The following RELA variants were observed in gnomAD, a reference collection of about 807,000 sequenced individuals.
RELA encodes the protein transcription factor p65.
A neutral mutation model predicts 56.7 loss-of-function variants in RELA; 14 were observed. The ratio of observed to expected loss-of-function variants is 0.25; its 90% CI spans 0.16 to 0.39. The LOEUF is 0.39. Ranked by LOEUF, RELA falls within the 10% of genes least tolerant of loss-of-function variation. RELA has a pLI of 1.00. For synonymous variants in RELA, 315 were observed against 289.7 expected (o/e 1.09, Z -0.89); for missense variants, 559 against 736.4 (o/e 0.76, Z 2.79).
chr11:65,658,562 C>T lies in RELA; in HGVS notation c.665-63G>A. ...TAACCCTCCATGGTCTCCCCCTCAACTTCTGATGCTTGTCTTCTGATACAT... is the reference window on the plus strand; with the variant it reads ...TAACCCTCCATGGTCTCCCCCTCAATTTCTGATGCTTGTCTTCTGATACAT... On this transcript the variant is annotated intron_variant, in intron 7 of 10. Coordinates refer to ENST00000406246, the MANE Select transcript of RELA (RefSeq NM_021975.4). The surrounding 1 kb of genome is among the most constrained non-coding windows in gnomAD (Gnocchi z 4.5). The T allele has an allele frequency of 2.8e-6, 4 of 1,451,862 alleles. No homozygotes were observed. In the South Asian group the frequency reaches 3.7e-5, roughly 13 times the overall value. 89.9% of individuals were successfully genotyped at this position (1,451,862 alleles called of 1,614,324 possible). A position where few individuals can be genotyped will look rare whatever the true frequency, so the allele number is the denominator to read the frequency against.
chr11:65,655,610 AG>A (rs1856402376), intron 10 of RELA, 77 bp downstream of exon 10: 7 of 1,398,142 alleles, frequency 5.0e-6, no homozygotes, highest in Non-Finnish European at 7.0e-6. Context: ...AATGGGGCCC[AG>A]GAGTCTTCAT....
At position 65,658,359 on chromosome 11, in the gene RELA, A is replaced by C; in HGVS notation, c.805T>G (p.Ser269Ala). The C allele has an allele frequency of 6.2e-7, 1 of 1,613,670 alleles. No homozygotes were observed. Among genetic ancestry groups the C allele is most frequent in the Non-Finnish European group, 8.5e-7 (1 of 1,179,874 alleles). ...TCGGAAGGCCGCCGCAGCTGCATGG[A>C]GACACGCACAGGAGCCTGCAGGCTG... ...DPSLQAPVRV[S>A]MQLRRPSDRE... The change falls in exon 8 of 11, where the codon TCC becomes GCC. Residue 269 changes from serine to alanine, a missense_variant. Physicochemically the swap from Ser to Ala is moderately conservative, Grantham distance 99 (BLOSUM62 1). Around this residue, in one of 4 missense-constraint regions of RELA, gnomAD observed 365 missense variants for 387.5 expected, o/e 0.94. Transcript: ENST00000406246. This position sits in a 1 kb window ranked among gnomAD's most constrained non-coding sequence, Gnocchi z 4.5.
At position 65,655,684 on chromosome 11, in the gene RELA, T is replaced by C. The variant is rs2135552474; in HGVS notation, c.1033+4A>G. 1 of 1,613,942 alleles carries C rather than the reference T, an allele frequency of 6.2e-7. No individual in the cohort carries two copies. Among genetic ancestry groups the C allele is most frequent in the South Asian group, 1.1e-5 (1 of 91,072 alleles). ...GTTCCAGTGGGACAAAAGGAAATCC[T>C]TACCTGGCTTGGGGACAGAAGCTGA... On this transcript the variant is annotated splice_donor_region_variant and intron_variant, in intron 10 of 10. Transcript: ENST00000406246.
chr11:65,660,147 T>C lies in RELA; in HGVS notation c.404A>G (p.Gln135Arg). Residue 135 changes from glutamine to arginine, a missense_variant, in exon 5 of 11, where the codon CAG becomes CGG. Gln to Arg is a conservative substitution (Grantham distance 43). Around this residue, in one of 4 missense-constraint regions of RELA, gnomAD observed 149 missense variants for 256.0 expected, o/e 0.58. Transcript: ENST00000406246. ...DLEQAISQRI[Q>R]TNNNPFQVPI... ...ACCTTGGAAGGGGTTGTTGTTGGTC[T>C]GGATGCGCTGACTGATAGCCTGCTC... The C allele has an allele frequency of 6.2e-7, 1 of 1,614,172 alleles. No individual in the cohort carries two copies. Among genetic ancestry groups the C allele is most frequent in the Non-Finnish European group, 8.5e-7 (1 of 1,180,018 alleles).
In RELA at chr11:65,654,555, C is replaced by G; in HGVS notation, c.1479G>C (p.Leu493=). ...GAGTTATAGCCTCAGGGTACTCCAT[C>G]AGCATGGGCTCAGTTGTGTGGGGGG... is the stretch of plus-strand genomic sequence containing the variant. ...PVAPHTTEPM[L]MEYPEAITRL... Residue 493 remains leucine (L), a synonymous_variant, in exon 11 of 11, where the codon CTG becomes CTC. Transcript: ENST00000406246. 1 of 1,613,546 alleles carries G rather than the reference C, an allele frequency of 6.2e-7. No homozygotes were observed. Among genetic ancestry groups the G allele is most frequent in the East Asian group, 2.2e-5 (1 of 44,888 alleles).
Position 65,653,868 on chromosome 11 carries a change from C to A in RELA, c.*510G>T. ...GAGCAAGGAAAGAGCCGGCAGAGAC[C>A]TCTGTAGGGCAGGAAGGCCAGCCCC... On this transcript the variant is annotated 3_prime_UTR_variant, in exon 11 of 11. Coordinates refer to ENST00000406246, the MANE Select transcript of RELA (RefSeq NM_021975.4). The A allele has an allele frequency of 5.1e-6, 1 of 197,380 alleles. No individual in the cohort carries two copies. Among genetic ancestry groups the A allele is most frequent in the South Asian group, 6.7e-5 (1 of 14,844 alleles). The allele number at this position is 197,380 out of a possible 1,614,324, so 12.2% of individuals were successfully genotyped here. A position where few individuals can be genotyped will look rare whatever the true frequency, so the allele number is the denominator to read the frequency against.
At chr11:65,663,599 G>A (rs1266477653), upstream of RELA, among the ~76,000 whole-genome samples, 2 of 152,224 alleles carry the variant, frequency 1.3e-5, no homozygotes, top group African/African-American at 2.4e-5. Context: ...CAAACTGCCG[G>A]CTCTCATCGG....
At chr11:65,663,832 G>A (rs1409862885), upstream of RELA, among the ~76,000 whole-genome samples, 2 of 151,224 alleles carry the variant, frequency 1.3e-5, no homozygotes, top group African/African-American at 2.4e-5. Context: ...CCAAGACCAA[G>A]CCCAAGGCGC....
intron 5 of RELA, 111 bp downstream of exon 5, chr11:65,660,013 G>T: frequency 8.1e-7 from 1 of 1,227,446 alleles, no homozygotes; most frequent in Non-Finnish European, 1.2e-6. Flanking sequence ...AGTACTGAAT[G>T]GGCACCAAGA....
rs1429492297 is a variant in RELA at position 65,654,297 on chromosome 11, C to T, written c.*81G>A. 6.3e-7 allele frequency: 1 copy of T among 1,581,260 alleles called. No homozygotes were observed. The highest frequency in any genetic ancestry group is 8.7e-7 in the Non-Finnish European group (1 of 1,153,682). On this transcript the variant is annotated 3_prime_UTR_variant, in exon 11 of 11. Transcript: ENST00000406246. ...CAAAGTTGGGGGCAGTTGGAACACA[C>T]CCCACCAGAATCCGTAAGTGCTTTT...
At chr11:65,655,148 A>T in intron 10 of RELA, 148 bp from the exon 11 acceptor site, 1 of 681,768 alleles carries the variant, frequency 1.5e-6, no homozygotes, top group Non-Finnish European at 2.6e-6. Flanking sequence ...CTCTTACCCC[A>T]TCTGACCCAG....
rs368638080 is a variant in RELA at position 65,655,909 on chromosome 11, G to A, written c.904C>T (p.Arg302Cys). The part of the protein sequence containing the change: ...TDDRHRIEEK[R>C]KRTYETFKSI... The stretch of plus-strand genomic sequence containing the variant: ...TTGAAGGTCTCATATGTCCTTTTAC[G>A]TTTCTCCTCAATCCGGTGACGATCG... Residue 302 changes from arginine (R) to cysteine (C), a missense_variant, in exon 9 of 11, where the codon CGT (arginine) becomes TGT (cysteine). Physicochemically the swap from Arg to Cys is radical, Grantham distance 180 (BLOSUM62 -3). Transcript: ENST00000406246. The A allele has an allele frequency of 1.2e-6, 2 of 1,614,036 alleles. No homozygotes were observed. Among genetic ancestry groups the A allele is most frequent in the Non-Finnish European group, 1.7e-6 (2 of 1,180,000 alleles).
At chr11:65,662,945 G>T, upstream of RELA, 1 of 925,898 alleles carries the variant, frequency 1.1e-6, no homozygotes, top group Non-Finnish European at 1.4e-6. Context: ...TCGCGTCACT[G>T]CCCGGAATCC....
chr11:65,654,084 G>T lies in RELA; in HGVS notation c.*294C>A. Reference sequence around the variant, plus strand: ...ACCAGAAGCTGGAGGATGGGGATGGGGGACCCCAGAGTTCCCTACAGAGAA... The same window carrying T: ...ACCAGAAGCTGGAGGATGGGGATGGTGGACCCCAGAGTTCCCTACAGAGAA... On this transcript the variant is annotated 3_prime_UTR_variant, in exon 11 of 11. Transcript: ENST00000406246. The T allele has an allele frequency of 2.2e-6, 1 of 453,584 alleles. No individual in the cohort carries two copies. Among genetic ancestry groups the T allele is most frequent in the South Asian group, 2.1e-5 (1 of 47,938 alleles). The allele number at this position is 453,584 out of a possible 1,614,324, so 28.1% of individuals were successfully genotyped here.
In RELA at chr11:65,662,063, A is replaced by G. The variant is rs754950004; in HGVS notation, c.60T>C (p.Tyr20=). ...PAEPAQASGP[Y]VEIIEQPKQR... is the part of the protein sequence containing the mutation. ...GCTTGGGCTGCTCAATGATCTCCAC[A>G]TAGGGGCCAGAGGCCTGGGCTGGCT... is the stretch of plus-strand genomic sequence containing the variant. The change falls in exon 3 of 11, where the codon TAT becomes TAC. Residue 20 remains tyrosine (Y), a synonymous_variant. Transcript: ENST00000406246. 5 of 1,612,356 alleles carry G rather than the reference A, an allele frequency of 3.1e-6. No individual in the cohort carries two copies. Among genetic ancestry groups the G allele is most frequent in the Non-Finnish European group, 3.4e-6 (4 of 1,179,510 alleles).
At chr11:65,655,251 A>G (rs1479806120) in intron 10 of RELA, 1 of 576,858 alleles carries the variant, frequency 1.7e-6, no homozygotes, top group African/African-American at 1.9e-5. Flanking sequence ...AGAGGAAGGG[A>G]CACTTGGAGA....
intron 6 of RELA, 77 bp downstream of exon 6, chr11:65,659,589 A>G: frequency 1.3e-6 from 2 of 1,569,632 alleles, no homozygotes; most frequent in Non-Finnish European, 1.7e-6. Flanking sequence ...CGCCTCTTGC[A>G]GGCCACACTC....
Position 65,654,516 on chromosome 11 carries a change from C to T in RELA, c.1518G>A (p.Gly506=). Reference sequence around the variant, plus strand: ...GAGCTGGGTCGGGGGGCCTCTGGGCCCCTGTCACTAGGCGAGTTATAGCCT... The same window carrying T: ...GAGCTGGGTCGGGGGGCCTCTGGGCTCCTGTCACTAGGCGAGTTATAGCCT... The part of the protein sequence containing the change: ...YPEAITRLVT[G]AQRPPDPAPA... The change falls in exon 11 of 11, where the codon GGG becomes GGA. Residue 506 remains glycine, a synonymous_variant. Transcript: ENST00000406246. The T allele has an allele frequency of 3.1e-6, 5 of 1,604,770 alleles. No individual in the cohort carries two copies. Among genetic ancestry groups the T allele is most frequent in the Non-Finnish European group, 4.2e-6 (5 of 1,176,572 alleles).
In RELA at chr11:65,654,891, C is replaced by G; in HGVS notation, c.1143G>C (p.Pro381=). The G allele has an allele frequency of 6.3e-7, 1 of 1,584,222 alleles. No individual in the cohort carries two copies. Among genetic ancestry groups the G allele is most frequent in the Non-Finnish European group, 8.6e-7 (1 of 1,164,922 alleles). ...GQISQASALA[P]APPQVLPQAP... ...CCTGGGGCAGGACTTGGGGAGGGGC[C>G]GGGGCCAAGGCCGAGGCCTGGCTGA... is the stretch of plus-strand genomic sequence containing the variant. Residue 381 remains proline, a synonymous_variant, in exon 11 of 11, where the codon CCG becomes CCC. Transcript: ENST00000406246.
Sources: allele counts gnomAD v4.1 joint callset (sites outside exome capture counted in the v4.1 genomes callset), GRCh38; gene constraint gnomAD v4.1.1; regional missense constraint gnomAD v4.1.1; non-coding constraint Gnocchi (gnomAD v3.1); transcripts MANE v1.5; gene names NCBI Gene and HGNC (gene_info 2026-07-23, HGNC 2026-07-21).